SLC38A2: variants seen among roughly 807,000 people sequenced by gnomAD.
SLC38A2 encodes solute carrier family 38 member 2.
SLC38A2 carries 11 observed loss-of-function variants against 61.5 expected under a neutral mutation model. That is an observed-to-expected ratio of 0.18 (90% CI 0.11 to 0.30). The LOEUF (loss-of-function observed/expected upper bound fraction) is 0.30, where lower values mean the gene tolerates loss of function less well. Ranked by LOEUF, SLC38A2 falls within the 10% of genes least tolerant of loss-of-function variation. SLC38A2 has a pLI of 1.00. For missense variants in SLC38A2, 522 were observed against 600.4 expected (o/e 0.87, Z 1.36); for synonymous variants, 217 against 212.5 (o/e 1.02, Z -0.18).
At position 46,362,610 on chromosome 12, in the gene SLC38A2, C is replaced by T; in HGVS notation, c.1208G>A (p.Cys403Tyr). 1 of 1,586,166 alleles carries T rather than the reference C, an allele frequency of 6.3e-7. No homozygotes were observed. Among genetic ancestry groups the T allele is most frequent in the South Asian group, 1.2e-5 (1 of 84,356 alleles). Residue 403 changes from cysteine to tyrosine, a missense_variant, in exon 14 of 16, where the codon TGT (cysteine) becomes TAT (tyrosine). Coordinates refer to ENST00000256689, the MANE Select transcript of SLC38A2 (RefSeq NM_018976.5). ...PIRSSVTHLL[C>Y]ASKDFSWWRH... ...CCACCAACTGAAATCTTTTGATGCACACAACAAGTGAGTTACAGAACTCCG... is the reference window on the plus strand; with the variant it reads ...CCACCAACTGAAATCTTTTGATGCATACAACAAGTGAGTTACAGAACTCCG...
Position 46,365,580 on chromosome 12 carries a change from G to A in SLC38A2, c.564-391C>T, listed in dbSNP as rs191426532. ...ACCAACTTTGGTACAGCTTTAGCAT[G>A]TAATTTCTAATGCTGGAAACTAAAA... On this transcript the variant is annotated intron_variant, in intron 7 of 15. Coordinates refer to ENST00000256689, the MANE Select transcript of SLC38A2 (RefSeq NM_018976.5). Among the ~76,000 whole-genome samples the A allele has an allele frequency of 9.5e-4, 144 of 152,238 alleles. 2 individuals carry two copies. The highest frequency in any genetic ancestry group is 4.4e-5 in the Non-Finnish European group (3 of 67,982).
At chr12:46,367,520 CA>C (rs1293387597) in intron 4 of SLC38A2, 180 bp from the exon 5 acceptor site, 3 of 600,530 alleles carry the variant, frequency 5.0e-6, no homozygotes, top group East Asian at 5.6e-5. Flanking sequence ...TCTTGGCTGG[CA>C]GTAAAAACTT....
Position 46,363,865 on chromosome 12 carries a change from C to T in SLC38A2, c.954-39G>A, listed in dbSNP as rs766859340. 9 of 1,588,510 alleles carry T rather than the reference C, an allele frequency of 5.7e-6. No individual in the cohort carries two copies. The South Asian group carries it at 9.2e-5, about 16-fold the overall frequency. On this transcript the variant is annotated intron_variant, in intron 11 of 15. Transcript: ENST00000256689. ...GAGAAAATTCAAATATATATTTCAG[C>T]AGCAGTTACAGCAATTGTCTAATAT...
At chr12:46,362,914 A>C (rs1592202690) in intron 13 of SLC38A2, 107 bp downstream of exon 13, 2 of 1,389,616 alleles carry the variant, frequency 1.4e-6, no homozygotes, top group Admixed American at 4.4e-5. Flanking sequence ...CCACCAACTT[A>C]GTATTGTTCT....
chr12:46,370,689 T>C, intron 3 of SLC38A2, 62 bp from the exon 4 acceptor site: 2 of 1,555,198 alleles, frequency 1.3e-6, no homozygotes, highest in Non-Finnish European at 1.8e-6. Flanking sequence ...AAACCAGCTT[T>C]GGGCAAGTTA....
In SLC38A2 at chr12:46,364,384, G is replaced by A. The variant is rs1266711251; in HGVS notation, c.873+5C>T. ...TCTTTTGAGAAAATAAGCATATTTA[G>A]TTACCTGTGAGTTGAAAATAAAATA... On this transcript the variant is annotated splice_donor_5th_base_variant and intron_variant, in intron 10 of 15. Coordinates refer to ENST00000256689, the MANE Select transcript of SLC38A2 (RefSeq NM_018976.5). 6.4e-7 allele frequency: 1 copy of A among 1,570,842 alleles called. No individual in the cohort carries two copies. The highest frequency in any genetic ancestry group is 2.2e-5 in the East Asian group (1 of 44,564).
Position 46,368,900 on chromosome 12 carries a change from T to TAGCTACAG in SLC38A2, c.315-1568_315-1561dup, listed in dbSNP as rs1199186340. Among the ~76,000 whole-genome samples, 4 of 152,218 alleles carry TAGCTACAG rather than the reference T, an allele frequency of 2.6e-5. No homozygotes were observed. In the East Asian group the frequency reaches 7.7e-4, roughly 29 times the overall value. On this transcript the variant is annotated intron_variant, in intron 4 of 15. Transcript: ENST00000256689. ...TCAGATTGATTCTACTTAAACAGGTTAGCTACAGGGTTGCTGAAGTGCACC... is the reference window on the plus strand; with the variant it reads ...TCAGATTGATTCTACTTAAACAGGTTAGCTACAGAGCTACAGGGTTGCTGAAGTGCACC...
chr12:46,372,115 T>C (rs1318425549), intron 1 of SLC38A2, among the ~76,000 whole-genome samples: 1 of 151,952 alleles, frequency 6.6e-6, no homozygotes, highest in African/African-American at 2.4e-5. Flanking sequence ...TCTTGGCCTC[T>C]CCTGTAATAC....
At chr12:46,371,494 A>C (rs1255936229) in intron 1 of SLC38A2, 115 bp from the exon 2 acceptor site, 3 of 537,932 alleles carry the variant, frequency 5.6e-6, no homozygotes, top group Non-Finnish European at 9.7e-6. Flanking sequence ...GTGGAAAAGT[A>C]CCAGCCGCGC....
intron 4 of SLC38A2, among the ~76,000 whole-genome samples, chr12:46,369,201 A>G (rs1565829910): frequency 6.6e-6 from 1 of 152,208 alleles, no homozygotes; most frequent in Admixed American, 6.5e-5. Flanking sequence ...TTTTTATACC[A>G]AGTGCTAACA....
At chr12:46,364,263 A>G (rs912175510) in intron 10 of SLC38A2, 126 bp downstream of exon 10, 37 of 1,059,568 alleles carry the variant, frequency 3.5e-5, no homozygotes, top group Non-Finnish European at 3.6e-5. Context: ...ACAGTCCTCA[A>G]TAATTAGCTA....
intron 7 of SLC38A2, 50 bp downstream of exon 7, chr12:46,366,814 C>A: frequency 1.4e-6 from 2 of 1,471,800 alleles, no homozygotes; most frequent in Non-Finnish European, 1.9e-6. Flanking sequence ...ATGTATCTAA[C>A]CACTTTTGAC....
At chr12:46,362,836 G>T in intron 13 of SLC38A2, 185 bp downstream of exon 13, 1 of 958,198 alleles carries the variant, frequency 1.0e-6, no homozygotes, top group Non-Finnish European at 1.5e-6. Context: ...ATATCTTATG[G>T]TGAAAAAAAT....
In SLC38A2 at chr12:46,360,541, TAATA is replaced by T; in HGVS notation, c.*566_*569del. The T allele has an allele frequency of 6.6e-6, 1 of 152,342 alleles. No individual in the cohort carries two copies. Among genetic ancestry groups the T allele is most frequent in the East Asian group, 1.9e-4 (1 of 5,190 alleles). The allele number at this position is 152,342 out of a possible 1,614,324, so 9.4% of individuals were successfully genotyped here. Reference sequence around the variant, plus strand: ...AAAAAGGCAAACCATTTCATTATATTAATATTCATTTTTAAATACCAATGACATT... The same window carrying T: ...AAAAAGGCAAACCATTTCATTATATTTTCATTTTTAAATACCAATGACATT... On this transcript the variant is annotated 3_prime_UTR_variant, in exon 16 of 16. Coordinates refer to ENST00000256689, the MANE Select transcript of SLC38A2 (RefSeq NM_018976.5).
At position 46,364,554 on chromosome 12, in the gene SLC38A2, G is replaced by T; in HGVS notation, c.708C>A (p.Val236=). 2 of 1,601,902 alleles carry T rather than the reference G, an allele frequency of 1.2e-6. No individual in the cohort carries two copies. The highest frequency in any genetic ancestry group is 1.4e-5 in the African/African-American group (1 of 73,906). The change falls in exon 10 of 16, where the codon GTC becomes GTA. Residue 236 remains valine (V), a splice_region_variant and synonymous_variant. Transcript: ENST00000256689. ...ACGGAACCTGAAATTTCTTGCAAATGACCTAAAAATATATTATTTTGCATG... is the reference window on the plus strand; with the variant it reads ...ACGGAACCTGAAATTTCTTGCAAATTACCTAAAAATATATTATTTTGCATG... ...LLCMVFFLIV[V]ICKKFQVPCP... is the part of the protein sequence containing the mutation.
rs1451689736 is a variant in SLC38A2, at chr12:46,358,475, A to G, written c.*2636T>C. ...TAAATAAGAGATCTGAATTTGTACC[A>G]AGATTTCATGAAAAAATTTGATGTT... On this transcript the variant is annotated 3_prime_UTR_variant, in exon 16 of 16. Transcript: ENST00000256689. 6.6e-6 allele frequency: 1 copy of G among 152,666 alleles called. No individual in the cohort carries two copies. The highest frequency in any genetic ancestry group is 2.4e-5 in the African/African-American group (1 of 41,462). The allele number at this position is 152,666 out of a possible 1,614,324, so 9.5% of individuals were successfully genotyped here. A position where few individuals can be genotyped will look rare whatever the true frequency, so the allele number is the denominator to read the frequency against.
chr12:46,369,481 T>C (rs141609031), intron 4 of SLC38A2, among the ~76,000 whole-genome samples: 2 of 152,266 alleles, frequency 1.3e-5, no homozygotes, highest in African/African-American at 2.4e-5. Flanking sequence ...ATAACTTGAG[T>C]AGAAGGCACC....
At chr12:46,371,126 T>C in intron 2 of SLC38A2, 52 bp downstream of exon 2, 2 of 1,506,766 alleles carry the variant, frequency 1.3e-6, no homozygotes, top group Non-Finnish European at 1.8e-6. Flanking sequence ...GGTAACTCCC[T>C]GAACCCAACC....
At chr12:46,365,360 T>A in intron 7 of SLC38A2, 171 bp from the exon 8 acceptor site, 2 of 634,350 alleles carry the variant, frequency 3.2e-6, no homozygotes, top group Non-Finnish European at 5.6e-6. Flanking sequence ...TAATTTTGTG[T>A]GCTAGATGAA....
Sources: allele counts gnomAD v4.1 joint callset (sites outside exome capture counted in the v4.1 genomes callset), GRCh38; gene constraint gnomAD v4.1.1; transcripts MANE v1.5; gene names NCBI Gene and HGNC (gene_info 2026-07-23, HGNC 2026-07-21).